KCNQ1: variants seen among roughly 807,000 people sequenced by gnomAD.
KCNQ1 encodes the protein potassium voltage-gated channel subfamily KQT member 1.
Under a neutral mutation model 72.4 loss-of-function variants are expected in KCNQ1, and 49 were observed. That is an observed-to-expected ratio of 0.68 (90% confidence interval 0.54 to 0.86). The LOEUF (loss-of-function observed/expected upper bound fraction) is 0.86. Among genes scored for constraint, KCNQ1 ranks in the 40% least tolerant of loss-of-function variants. The pLI, the probability that KCNQ1 is intolerant of heterozygous loss-of-function variation, is 0.00. For missense variants in KCNQ1, 790 were observed against 945.1 expected, an observed-to-expected ratio of 0.84 and a Z score of 2.15; for synonymous variants, 450 against 412.6, an observed-to-expected ratio of 1.09 and a Z score of -1.10.
In KCNQ1 at chr11:2,767,611, A is replaced by G. The variant is rs1846522114; in HGVS notation, c.1515-1233A>G. ...TGCCACGCGCAAAGCACCTTACTCC[A>G]GTAGGGGATTGAGAGAGGTGGGGTT... On this transcript the variant is annotated intron_variant, in intron 11 of 15. Coordinates refer to ENST00000155840, the MANE Select transcript of KCNQ1 (RefSeq NM_000218.3). This position sits in a 1 kb window ranked among gnomAD's most constrained non-coding sequence, Gnocchi z 4.6. Among the ~76,000 whole-genome samples the G allele has an allele frequency of 6.6e-6, 1 of 152,150 alleles. No homozygotes were observed. Among genetic ancestry groups the G allele is most frequent in the Non-Finnish European group, 1.5e-5 (1 of 68,034 alleles).
At position 2,473,938 on chromosome 11, in the gene KCNQ1, A is replaced by C. The variant is rs190900200; in HGVS notation, c.386+28454A>C. ...ACATCCTCCTTCACCAAATCCGCAA[A>C]ATAGGCCTGATGCCAGGAACGGGGC... On this transcript the variant is annotated intron_variant, in intron 1 of 15. Transcript: ENST00000155840. The surrounding 1 kb of genome is among the most constrained non-coding windows in gnomAD (Gnocchi z 6.0). 6.6e-6 allele frequency among the ~76,000 whole-genome samples: 1 copy of C among 152,296 alleles called. No individual in the cohort carries two copies. Among genetic ancestry groups the C allele is most frequent in the East Asian group, 1.9e-4 (1 of 5,172 alleles).
rs1277498398 is a variant in KCNQ1 at position 2,595,652 on chromosome 11, C to T, written c.1393+6798C>T. Among the ~76,000 whole-genome samples, 2 of 152,174 alleles carry T rather than the reference C, an allele frequency of 1.3e-5. No homozygotes were observed. The highest frequency in any genetic ancestry group is 2.9e-5 in the Non-Finnish European group (2 of 68,042). On this transcript the variant is annotated intron_variant, in intron 10 of 15. Coordinates refer to ENST00000155840, the MANE Select transcript of KCNQ1 (RefSeq NM_000218.3). This position sits in a 1 kb window ranked among gnomAD's most constrained non-coding sequence, Gnocchi z 5.0. ...AGATCCCTCTCAAAATGTTACTGCT[C>T]ATTGACAGTGCACCTGGTCATCCAA...
chr11:2,500,666 C>G (rs750662105), intron 1 of KCNQ1, among the ~76,000 whole-genome samples: 3 of 152,144 alleles, frequency 2.0e-5, no homozygotes, highest in Non-Finnish European at 4.4e-5. Flanking sequence ...AAATGTGGCA[C>G]ATATACACTG....
chr11:2,540,753 T>C (rs970008313), intron 2 of KCNQ1, among the ~76,000 whole-genome samples: 1 of 152,110 alleles, frequency 6.6e-6, no homozygotes, highest in Middle Eastern at 3.2e-3. Context: ...CCCTCTAGGG[T>C]GGCAATGGGA....
At chr11:2,631,460 T>A in intron 10 of KCNQ1, 2 of 398,080 alleles carry the variant, frequency 5.0e-6, no homozygotes, top group Non-Finnish European at 8.8e-6. Context: ...CTTTATTGAA[T>A]GTCTCCTTTT....
chr11:2,741,663 C>T lies in KCNQ1; in HGVS notation c.1515-27181C>T, dbSNP rs576693848. ...AGAACATTCCAGAGCATTCCACCAC[C>T]ACTGGCCTGCAATTATCACCCCATC... On this transcript the variant is annotated intron_variant, in intron 11 of 15. Coordinates refer to ENST00000155840, the MANE Select transcript of KCNQ1 (RefSeq NM_000218.3). Among the ~76,000 whole-genome samples the T allele has an allele frequency of 3.3e-5, 5 of 152,342 alleles. No homozygotes were observed. In the South Asian group the frequency reaches 8.3e-4, roughly 25 times the overall value.
rs368416827 is a variant in KCNQ1 at position 2,541,089 on chromosome 11, A to ATGCACACG, written c.477+13087_477+13094dup. ...CGTTCAGGCTCAGACACGTGCCTGC[A>ATGCACACG]TGCACACGTGCACACGTGCACACCC... On this transcript the variant is annotated intron_variant, in intron 2 of 15. Transcript: ENST00000155840. This position sits in a 1 kb window ranked among gnomAD's most constrained non-coding sequence, Gnocchi z 4.8. 1.3e-5 allele frequency among the ~76,000 whole-genome samples: 2 copies of ATGCACACG among 152,236 alleles called. No homozygotes were observed. The highest frequency in any genetic ancestry group is 2.4e-5 in the African/African-American group (1 of 41,468).
chr11:2,505,746 C>T (rs2106204), intron 1 of KCNQ1, among the ~76,000 whole-genome samples: 14,959 of 152,224 alleles, frequency 0.098, 2,396 homozygotes, highest in African/African-American at 0.34. Context: ...TGTGACCTTT[C>T]TAGGTTTATT....
At chr11:2,709,348 A>T (rs536402402) in intron 11 of KCNQ1, among the ~76,000 whole-genome samples, 1 of 150,122 alleles carries the variant, frequency 6.7e-6, no homozygotes, top group East Asian at 2.0e-4. Context: ...CTCAGACGCC[A>T]GGACCTGCGG....
At position 2,762,599 on chromosome 11, in the gene KCNQ1, C is replaced by T. The variant is rs1486984925; in HGVS notation, c.1515-6245C>T. 6.6e-6 allele frequency among the ~76,000 whole-genome samples: 1 copy of T among 152,212 alleles called. No individual in the cohort carries two copies. Among genetic ancestry groups the T allele is most frequent in the Admixed American group, 6.5e-5 (1 of 15,280 alleles). On this transcript the variant is annotated intron_variant, in intron 11 of 15. Coordinates refer to ENST00000155840, the MANE Select transcript of KCNQ1 (RefSeq NM_000218.3). The surrounding 1 kb of genome is among the most constrained non-coding windows in gnomAD (Gnocchi z 4.3). ...CATCCATAGACTGTTAGGAACAGGACCGTGCAGCAGGAGGTGAGCGGTTGG... is the reference window on the plus strand; with the variant it reads ...CATCCATAGACTGTTAGGAACAGGATCGTGCAGCAGGAGGTGAGCGGTTGG...
chr11:2,478,276 G>A lies in KCNQ1; in HGVS notation c.386+32792G>A, dbSNP rs957594098. ...ATAAAGTACCGTTCAGGGTGAAGGG[G>A]AAGGAAGAAATGTGATGCCTAAGTG... On this transcript the variant is annotated intron_variant, in intron 1 of 15. Transcript: ENST00000155840. This position sits in a 1 kb window ranked among gnomAD's most constrained non-coding sequence, Gnocchi z 4.0. Among the ~76,000 whole-genome samples, 1 of 152,200 alleles carries A rather than the reference G, an allele frequency of 6.6e-6. No homozygotes were observed. The highest frequency in any genetic ancestry group is 2.4e-5 in the African/African-American group (1 of 41,446).
intron 10 of KCNQ1, chr11:2,614,170 C>G (rs1589982137): frequency 2.5e-6 from 1 of 398,510 alleles, no homozygotes; most frequent in Non-Finnish European, 4.4e-6. Flanking sequence ...CGAATCTACC[C>G]CCAAGAGGTG....
rs1167505141 is a variant in KCNQ1 at position 2,610,716 on chromosome 11, C to CTTTTTTTTTTTTTTTTTTTTTTTTTTTTT, written c.1393+21863_1393+21891dup. ...TTCTGGACACAGTATTCTTGGTTGG[C>CTTTTTTTTTTTTTTTTTTTTTTTTTTTTT]TTTTTTTTTTTTTTTTTTTTTTTTT... is the stretch of plus-strand genomic sequence containing the variant. On this transcript the variant is annotated intron_variant, in intron 10 of 15. Transcript: ENST00000155840. The CTTTTTTTTTTTTTTTTTTTTTTTTTTTTT allele has an allele frequency of 2.2e-5, 5 of 230,186 alleles. 1 individual carries two copies. The highest frequency in any genetic ancestry group is 6.0e-5 in the East Asian group (1 of 16,594). The allele number at this position is 230,186 out of a possible 1,614,324, so 14.3% of individuals were successfully genotyped here. A position where few individuals can be genotyped will look rare whatever the true frequency, so the allele number is the denominator to read the frequency against.
In KCNQ1 at chr11:2,585,205, T is replaced by C; in HGVS notation, c.1033-7T>C. On this transcript the variant is annotated splice_polypyrimidine_tract_variant and splice_region_variant and intron_variant, in intron 7 of 15. Transcript: ENST00000155840. Reference sequence around the variant, plus strand: ...TGGACGGGAGCCTCCTGTCCATTCCTTCCCAGGGGATTCTTGGCTCGGGGT... The same window carrying C: ...TGGACGGGAGCCTCCTGTCCATTCCCTCCCAGGGGATTCTTGGCTCGGGGT... 1 of 1,613,700 alleles carries C rather than the reference T, an allele frequency of 6.2e-7. No individual in the cohort carries two copies. The highest frequency in any genetic ancestry group is 8.5e-7 in the Non-Finnish European group (1 of 1,179,690).
chr11:2,522,205 G>GCA (rs1564805419), intron 1 of KCNQ1, among the ~76,000 whole-genome samples: 47 of 151,822 alleles, frequency 3.1e-4, no homozygotes, highest in African/African-American at 1.1e-3. Flanking sequence ...GCAGCTCCCC[G>GCA]CCCCCCGCAT....
At chr11:2,461,571 A>G in intron 1 of KCNQ1, 3 of 1,354,816 alleles carry the variant, frequency 2.2e-6, no homozygotes, top group Non-Finnish European at 2.9e-6. Context: ...TACTCAGCCC[A>G]GATCACGGCT....
rs1846615613 is a variant in KCNQ1, at chr11:2,479,070, G to C, written c.386+33586G>C. ...ACATCTAGGTCATGCTGATGCAAGA[G>C]GTGGGTTCCCATAGTCTTGAGCAGC... On this transcript the variant is annotated intron_variant, in intron 1 of 15. Transcript: ENST00000155840. The surrounding 1 kb of genome is among the most constrained non-coding windows in gnomAD (Gnocchi z 4.6). 6.6e-6 allele frequency among the ~76,000 whole-genome samples: 1 copy of C among 152,196 alleles called. No individual in the cohort carries two copies. Among genetic ancestry groups the C allele is most frequent in the Non-Finnish European group, 1.5e-5 (1 of 68,048 alleles).
rs1016694822 is a variant in KCNQ1 at position 2,764,650 on chromosome 11, C to T, written c.1515-4194C>T. Among the ~76,000 whole-genome samples the T allele has an allele frequency of 6.6e-6, 1 of 152,070 alleles. No individual in the cohort carries two copies. Among genetic ancestry groups the T allele is most frequent in the Non-Finnish European group, 1.5e-5 (1 of 68,022 alleles). ...CGTCTAGATACAGAGTTTTCTTTGC[C>T]AGAAGATCATTAAAATTCCAAATTT... On this transcript the variant is annotated intron_variant, in intron 11 of 15. Coordinates refer to ENST00000155840, the MANE Select transcript of KCNQ1 (RefSeq NM_000218.3). The surrounding 1 kb of genome is among the most constrained non-coding windows in gnomAD (Gnocchi z 4.8).
intron 15 of KCNQ1, among the ~76,000 whole-genome samples, chr11:2,810,991 C>T (rs1847474234): frequency 6.6e-6 from 1 of 152,232 alleles, no homozygotes. Flanking sequence ...TCCACAAGGA[C>T]TCCCGCCTTC....
Sources: allele counts gnomAD v4.1 joint callset (sites outside exome capture counted in the v4.1 genomes callset), GRCh38; gene constraint gnomAD v4.1.1; non-coding constraint Gnocchi (gnomAD v3.1); transcripts MANE v1.5; gene names NCBI Gene and HGNC (gene_info 2026-07-23, HGNC 2026-07-21).